The following TRDN variants were observed in gnomAD, a reference collection of about 807,000 sequenced individuals.
TRDN encodes triadin in skeletal muscle.
Under a neutral mutation model 149.7 loss-of-function variants are expected in TRDN, and 161 were observed. The ratio of observed to expected loss-of-function variants is 1.08; its 90% CI spans 0.95 to 1.23. The LOEUF (loss-of-function observed/expected upper bound fraction) is 1.23, where lower values mean the gene tolerates loss of function less well. Ranked by LOEUF, TRDN falls within the 50% of genes most tolerant of loss-of-function variation. The pLI, the probability that TRDN is intolerant of heterozygous loss-of-function variation, is 0.00. For missense variants in TRDN, 896 were observed against 823.5 expected, an observed-to-expected ratio of 1.09 and a Z score of -1.08; for synonymous variants, 294 against 250.5, an observed-to-expected ratio of 1.17 and a Z score of -1.64.
rs565538741 is a variant in TRDN, at chr6:123,437,381, ATTTTTTTT to A, written c.1051+674_1051+681del. 84 of 186,404 alleles carry A rather than the reference ATTTTTTTT, an allele frequency of 4.5e-4. 1 individual carries two copies. The highest frequency in any genetic ancestry group is 1.4e-3 in the East Asian group (8 of 5,904). 11.5% of individuals were successfully genotyped at this position (186,404 alleles called of 1,614,324 possible). On this transcript the variant is annotated intron_variant, in intron 12 of 40. Transcript: ENST00000334268. ...CTTTCTCTACTTTATTGAGATACAG[ATTTTTTTT>A]TTTTTTTTTTTTTTTTTTTGTAGGG...
chr6:123,563,530 T>G (rs552777422), intron 2 of TRDN, among the ~76,000 whole-genome samples: 4 of 152,220 alleles, frequency 2.6e-5, no homozygotes, highest in Non-Finnish European at 4.4e-5. Context: ...ATGCGTATAA[T>G]AAGAAATGGG....
rs530097455 is a variant in TRDN, at chr6:123,352,319, C to T, written c.1369+220G>A. The T allele has an allele frequency of 6.1e-5, 60 of 984,880 alleles. No individual in the cohort carries two copies. The South Asian group carries it at 2.3e-3, about 39-fold the overall frequency. The allele number at this position is 984,880 out of a possible 1,614,324, so 61.0% of individuals were successfully genotyped here. Reference sequence around the variant, plus strand: ...GTAATTAAACAGTTTGGGGAGTTTCCCTGTTCGGAACTGATATTCAAAGTT... The same window carrying T: ...GTAATTAAACAGTTTGGGGAGTTTCTCTGTTCGGAACTGATATTCAAAGTT... On this transcript the variant is annotated intron_variant, in intron 21 of 40. Coordinates refer to ENST00000334268, the MANE Select transcript of TRDN (RefSeq NM_006073.4).
chr6:123,393,585 A>C, intron 13 of TRDN, 39 bp downstream of exon 13: 1 of 1,556,766 alleles, frequency 6.4e-7, no homozygotes, highest in Non-Finnish European at 8.7e-7. Context: ...ATAGATGTTT[A>C]AAAAAAGGCA....
intron 2 of TRDN, among the ~76,000 whole-genome samples, chr6:123,562,459 C>A (rs2114504402): frequency 6.6e-6 from 1 of 152,300 alleles, no homozygotes; most frequent in South Asian, 2.1e-4. Context: ...TAAGAGAGTT[C>A]ACCCCTTCCA....
At chr6:123,259,713 T>C in intron 34 of TRDN, 51 bp from the exon 35 acceptor site, 1 of 1,306,382 alleles carries the variant, frequency 7.7e-7, no homozygotes, top group Non-Finnish European at 1.1e-6. Flanking sequence ...AACATGACTT[T>C]CTTACTCATT....
At chr6:123,405,083 T>C (rs527514454) in intron 12 of TRDN, among the ~76,000 whole-genome samples, 25 of 152,364 alleles carry the variant, frequency 1.6e-4, no homozygotes, top group Admixed American at 1.4e-3. Flanking sequence ...AGCAAATGTA[T>C]CACTTTCTCT....
intron 38 of TRDN, among the ~76,000 whole-genome samples, chr6:123,238,531 T>C (rs958651460): frequency 1.3e-5 from 2 of 152,038 alleles, no homozygotes; most frequent in African/African-American, 4.8e-5. Context: ...AGAAAGATGA[T>C]GAAGAAGCAT....
In TRDN at chr6:123,616,232, C is replaced by T. The variant is rs150681500; in HGVS notation, c.22+20522G>A. The stretch of plus-strand genomic sequence containing the variant: ...TCGTGGCATGTGCCTGTGCTTGCAG[C>T]GACTTGGAAGGATCCCTTGAGCCCA... On this transcript the variant is annotated intron_variant, in intron 1 of 40. Transcript: ENST00000334268. Among the ~76,000 whole-genome samples, 99 of 152,080 alleles carry T rather than the reference C, an allele frequency of 6.5e-4. 1 individual carries two copies. The highest frequency in any genetic ancestry group is 2.2e-3 in the African/African-American group (93 of 41,494).
intron 24 of TRDN, among the ~76,000 whole-genome samples, chr6:123,288,804 G>A (rs934964156): frequency 1.3e-5 from 2 of 151,942 alleles, no homozygotes; most frequent in African/African-American, 4.8e-5. Context: ...AGGCACTTTG[G>A]AGAATAGCAT....
At chr6:123,475,636 G>A (rs1289980544) in intron 9 of TRDN, among the ~76,000 whole-genome samples, 2 of 120,646 alleles carry the variant, frequency 1.7e-5, no homozygotes, top group Non-Finnish European at 3.4e-5. Context: ...TATCCTTGAT[G>A]AACATTGATG....
At chr6:123,631,770 A>G (rs1006371874) in intron 1 of TRDN, among the ~76,000 whole-genome samples, 1 of 152,004 alleles carries the variant, frequency 6.6e-6, no homozygotes, top group Non-Finnish European at 1.5e-5. Flanking sequence ...CAATATTATA[A>G]TGAAACTTAA....
chr6:123,371,167 A>G (rs1781311972), intron 19 of TRDN, among the ~76,000 whole-genome samples: 1 of 152,146 alleles, frequency 6.6e-6, no homozygotes, highest in Non-Finnish European at 1.5e-5. Flanking sequence ...CTAGGTTAAA[A>G]GAAACTATGC....
At chr6:123,572,364 G>A (rs1554258942) in intron 1 of TRDN, among the ~76,000 whole-genome samples, 1 of 151,634 alleles carries the variant, frequency 6.6e-6, no homozygotes, top group African/African-American at 2.4e-5. Context: ...TTCTTTTAAT[G>A]CTATTTTAAT....
At chr6:123,322,930 C>A (rs1245273749) in intron 23 of TRDN, among the ~76,000 whole-genome samples, 1 of 152,178 alleles carries the variant, frequency 6.6e-6, no homozygotes, top group Non-Finnish European at 1.5e-5. Flanking sequence ...TAAGCCACCG[C>A]GCTTGGCCTG....
At chr6:123,607,941 G>A (rs1218512530) in intron 1 of TRDN, among the ~76,000 whole-genome samples, 1 of 150,268 alleles carries the variant, frequency 6.7e-6, no homozygotes, top group Non-Finnish European at 1.5e-5. Context: ...CTTCCACCTC[G>A]GCCTCCCAAA....
chr6:123,416,869 T>G (rs1405404262), intron 12 of TRDN, among the ~76,000 whole-genome samples: 1 of 152,040 alleles, frequency 6.6e-6, no homozygotes, highest in Non-Finnish European at 1.5e-5. Flanking sequence ...GCCTAGCTAA[T>G]TTTTTGTATT....
chr6:123,460,322 T>C (rs183883098), intron 10 of TRDN, among the ~76,000 whole-genome samples: 10 of 152,300 alleles, frequency 6.6e-5, no homozygotes, highest in African/African-American at 2.4e-4. Context: ...ATAAAATTAA[T>C]GGTTTTTATA....
chr6:123,416,274 T>C (rs897033665), intron 12 of TRDN, among the ~76,000 whole-genome samples: 6 of 152,084 alleles, frequency 3.9e-5, no homozygotes, highest in Non-Finnish European at 8.8e-5. Context: ...CAGGATAATA[T>C]CTTTTGTGAT....
intron 14 of TRDN, among the ~76,000 whole-genome samples, chr6:123,386,693 G>A (rs927534061): frequency 5.9e-5 from 9 of 152,160 alleles, no homozygotes; most frequent in Non-Finnish European, 1.3e-4. Flanking sequence ...AAAGCTGCCT[G>A]GAATGGAGCT....
Sources: gnomAD v4.1 joint callset for allele counts (sites outside exome capture counted in the v4.1 genomes callset) on GRCh38, gnomAD v4.1.1 for gene constraint, MANE v1.5 for transcripts, NCBI Gene and HGNC (gene_info 2026-07-23, HGNC 2026-07-21) for gene names.